Variants in SUN1 observed in about 807,000 individuals in gnomAD.
SUN1 encodes SUN domain-containing protein 1.
SUN1 carries 61 observed loss-of-function variants against 103.2 expected under a neutral mutation model. That is an observed-to-expected ratio of 0.59 (90% CI 0.48 to 0.73). The LOEUF (loss-of-function observed/expected upper bound fraction) is 0.73, where lower values mean the gene tolerates loss of function less well. SUN1 is among the 30% of genes least tolerant of loss of function. The pLI, the probability that SUN1 is intolerant of heterozygous loss-of-function variation, is 0.00. For synonymous variants in SUN1, 490 were observed against 425.7 expected, an observed-to-expected ratio of 1.15 and a Z score of -1.86; for missense variants, 1,052 against 1,034.6, an observed-to-expected ratio of 1.02 and a Z score of -0.23.
chr7:860,727 T>C (rs1443745296), intron 14 of SUN1, among the ~76,000 whole-genome samples: 1 of 152,260 alleles, frequency 6.6e-6, no homozygotes, highest in Non-Finnish European at 1.5e-5. Flanking sequence ...TCTGTTCTCA[T>C]GCTGGGCAAT....
intron 13 of SUN1, among the ~76,000 whole-genome samples, chr7:859,458 C>T (rs1830446710): frequency 6.6e-6 from 1 of 152,180 alleles, no homozygotes; most frequent in Non-Finnish European, 1.5e-5. Context: ...GTACAGAGGC[C>T]ACACAGGCAG....
At chr7:841,204 A>T (rs569020518) in intron 2 of SUN1, among the ~76,000 whole-genome samples, 18 of 149,074 alleles carry the variant, frequency 1.2e-4, no homozygotes, top group Non-Finnish European at 2.2e-4. Flanking sequence ...AAGTGCTGGG[A>T]TGACAGGTGT....
chr7:860,277 C>T lies in SUN1; in HGVS notation c.1674C>T (p.Ile558=), dbSNP rs373326898. The change falls in exon 14 of 19, where the codon ATC becomes ATT. Residue 558 remains isoleucine, a synonymous_variant. Coordinates refer to ENST00000401592, the MANE Select transcript of SUN1 (RefSeq NM_001130965.3). ...QTMLRDLQLQ[I]LRNVTHHVSV... ...TGCTGCGAGACCTGCAGCTGCAGAT[C>T]CTGCGGAACGTCACCCACCACGTTT... 5.6e-6 allele frequency: 9 copies of T among 1,614,140 alleles called. No homozygotes were observed. In the African/African-American group the frequency reaches 1.1e-4, roughly 19 times the overall value.
intron 16 of SUN1, chr7:868,912 G>A (rs55647511): frequency 1.1e-5 from 1 of 94,832 alleles, no homozygotes; most frequent in East Asian, 3.3e-4. Context: ...TGGTCGGATG[G>A]GGGGACAGTG....
At chr7:841,389 G>A (rs752748139) in intron 2 of SUN1, among the ~76,000 whole-genome samples, 2 of 151,478 alleles carry the variant, frequency 1.3e-5, no homozygotes, top group African/African-American at 2.4e-5. Context: ...AACTACAGGC[G>A]CCCGCCAACA....
chr7:816,520 C>G (rs1780544520), upstream of SUN1: 2 of 335,976 alleles, frequency 6.0e-6, no homozygotes, highest in Non-Finnish European at 5.7e-6. Context: ...TCGTCATTGG[C>G]CAGAACGCTT....
At chr7:869,324 G>GTCC in intron 16 of SUN1, 25 bp from the exon 17 acceptor site, 1 of 1,609,882 alleles carries the variant, frequency 6.2e-7, no homozygotes, top group Non-Finnish European at 8.5e-7. Flanking sequence ...CACACTCTGA[G>GTCC]TCCTCATGTT....
At chr7:864,255 A>G (rs977428535) in intron 15 of SUN1, among the ~76,000 whole-genome samples, 3 of 152,114 alleles carry the variant, frequency 2.0e-5, no homozygotes, top group African/African-American at 7.2e-5. Flanking sequence ...TTATTTAAAA[A>G]TGCACAATTA....
chr7:833,133 TA>T (rs1799479430), intron 1 of SUN1: 1 of 152,718 alleles, frequency 6.5e-6, no homozygotes, highest in Non-Finnish European at 1.5e-5. Context: ...GTTTTCCAAG[TA>T]GAAAGAGCGA....
Position 865,949 on chromosome 7 carries a change from A to C in SUN1, c.1865-3A>C. On this transcript the variant is annotated splice_region_variant and splice_polypyrimidine_tract_variant and intron_variant, in intron 15 of 18. Coordinates refer to ENST00000401592, the MANE Select transcript of SUN1 (RefSeq NM_001130965.3). ...CTGAGACCGATCTGAACTTTGCTTT[A>C]AGGTGGCAGCATCTTGAGTACTCGC... 3 of 1,613,808 alleles carry C rather than the reference A, an allele frequency of 1.9e-6. No homozygotes were observed. The highest frequency in any genetic ancestry group is 2.5e-6 in the Non-Finnish European group (3 of 1,179,738).
chr7:817,690 C>G (rs1398655557), intron 1 of SUN1, among the ~76,000 whole-genome samples: 1 of 152,212 alleles, frequency 6.6e-6, no homozygotes. Flanking sequence ...TCTGTTTTTA[C>G]TCCCTACATC....
Position 852,682 on chromosome 7 carries a change from G to T in SUN1, c.910+15G>T. 1 of 1,614,122 alleles carries T rather than the reference G, an allele frequency of 6.2e-7. No individual in the cohort carries two copies. The highest frequency in any genetic ancestry group is 8.5e-7 in the Non-Finnish European group (1 of 1,180,042). ...CCTTTTACTAGGTAAGTCAAATCTG[G>T]CTGAGTTGCCTCCGATGGCTAAGCG... On this transcript the variant is annotated intron_variant, in intron 8 of 18. Coordinates refer to ENST00000401592, the MANE Select transcript of SUN1 (RefSeq NM_001130965.3).
At position 856,439 on chromosome 7, in the gene SUN1, T is replaced by C. The variant is rs775769519; in HGVS notation, c.1394+38T>C. On this transcript the variant is annotated intron_variant, in intron 12 of 18. Coordinates refer to ENST00000401592, the MANE Select transcript of SUN1 (RefSeq NM_001130965.3). ...GGAAAACATTCACTTTTGTCTTCGG[T>C]GTGTGTGTGTGGTTATGTGGAGCGG... 4 of 1,574,684 alleles carry C rather than the reference T, an allele frequency of 2.5e-6. No homozygotes were observed. The African/African-American group carries it at 4.1e-5, about 16-fold the overall frequency.
At chr7:829,254 C>T (rs1467914702), upstream of SUN1, among the ~76,000 whole-genome samples, 3 of 152,248 alleles carry the variant, frequency 2.0e-5, no homozygotes. Context: ...AGGCAGCCTC[C>T]TCTTCACATG....
chr7:835,051 G>A (rs1389090445), intron 1 of SUN1, among the ~76,000 whole-genome samples: 4 of 152,224 alleles, frequency 2.6e-5, no homozygotes, highest in African/African-American at 9.6e-5. Flanking sequence ...AGTCCAGCCT[G>A]GGAGACGGTG....
intron 5 of SUN1, among the ~76,000 whole-genome samples, chr7:844,183 G>A (rs984898795): frequency 2.0e-5 from 3 of 152,232 alleles, no homozygotes; most frequent in Non-Finnish European, 2.9e-5. Flanking sequence ...GCTTCCAGGC[G>A]GGACTGGGAT....
rs374075489 is a variant in SUN1 at position 860,226 on chromosome 7, T to G, written c.1623T>G (p.Phe541Leu). Residue 541 changes from phenylalanine (F) to leucine (L), a missense_variant, in exon 14 of 19, where the codon TTT becomes TTG. This residue lies in a region of SUN1 where 846 missense variants were observed against 774.5 expected (regional missense o/e 1.09). Transcript: ENST00000401592. ...EQLLQRFSSQ[F>L]VSKGDLQTML... is the part of the protein sequence containing the mutation. ...TGCTGCAGAGGTTCTCATCACAGTT[T>G]GTGAGCAAAGGCGACTTGCAGACGA... 6.8e-6 allele frequency: 11 copies of G among 1,614,104 alleles called. No individual in the cohort carries two copies. Among genetic ancestry groups the G allele is most frequent in the Non-Finnish European group, 8.5e-6 (10 of 1,180,060 alleles).
upstream of SUN1, among the ~76,000 whole-genome samples, chr7:831,273 CT>C (rs66807442): frequency 0.42 from 56,593 of 135,936 alleles, 10,782 homozygotes; most frequent in East Asian, 0.49. Flanking sequence ...TTGAAACGTG[CT>C]TTTTTTTTTT....
chr7:852,118 T>A (rs1822785997), intron 7 of SUN1, 75 bp downstream of exon 7: 3 of 1,275,470 alleles, frequency 2.4e-6, no homozygotes, highest in Non-Finnish European at 3.4e-6. Context: ...TCTCATTTGA[T>A]TTGTTATTTT....
Sources: gnomAD v4.1 joint callset for allele counts (sites outside exome capture counted in the v4.1 genomes callset) on GRCh38, gnomAD v4.1.1 for gene constraint, gnomAD v4.1.1 regional missense constraint, MANE v1.5 for transcripts, NCBI Gene and HGNC (gene_info 2026-07-23, HGNC 2026-07-21) for gene names.